Variants in SCLT1 observed in about 807,000 individuals in gnomAD.
The protein encoded by SCLT1 is sodium channel-associated protein 1.
In SCLT1, 78 loss-of-function variants were observed where a neutral mutation model predicts 112.8. The ratio of observed to expected loss-of-function variants is 0.69; its 90% confidence interval spans 0.58 to 0.83. SCLT1 has a LOEUF of 0.83. Ranked by LOEUF, SCLT1 falls within the 40% of genes least tolerant of loss-of-function variation. The probability of loss-of-function intolerance (pLI) is 0.00; values close to 1 mark genes in which losing one functional copy is unlikely to be tolerated. For synonymous variants in SCLT1, 257 were observed against 254.7 expected (o/e 1.01, Z -0.09); for missense variants, 747 against 770.4 (o/e 0.97, Z 0.36).
rs779428958 is a variant in SCLT1, at chr4:128,980,358, ATT to A, written c.687-9892_687-9891del. On this transcript the variant is annotated intron_variant, in intron 9 of 20. Coordinates refer to ENST00000281142, the MANE Select transcript of SCLT1 (RefSeq NM_144643.4). Reference sequence around the variant, plus strand: ...TTAAAAAATAAGATAGTATATAAAAATTATCAGCACACACATTTTTAAAGAAA... The same window carrying A: ...TTAAAAAATAAGATAGTATATAAAAAATCAGCACACACATTTTTAAAGAAA... Among the ~76,000 whole-genome samples, 529 of 152,328 alleles carry A rather than the reference ATT, an allele frequency of 3.5e-3. 6 individuals carry two copies. Among genetic ancestry groups the A allele is most frequent in the Middle Eastern group, 0.01 (3 of 294 alleles).
chr4:129,006,555 A>T (rs911509888), intron 5 of SCLT1, among the ~76,000 whole-genome samples: 5 of 138,218 alleles, frequency 3.6e-5, no homozygotes, highest in South Asian at 2.4e-4. Flanking sequence ...AAAAAAAAAA[A>T]TTTAAAGGTC....
intron 1 of SCLT1, among the ~76,000 whole-genome samples, chr4:129,086,458 C>T (rs1358043775): frequency 6.6e-6 from 1 of 152,040 alleles, no homozygotes; most frequent in Non-Finnish European, 1.5e-5. Flanking sequence ...TTTTGTGTAG[C>T]AGTTAAGAAA....
At chr4:128,952,898 G>A in intron 13 of SCLT1, 58 bp from the exon 14 acceptor site, 1 of 835,638 alleles carries the variant, frequency 1.2e-6, no homozygotes. Context: ...ATTAATATCT[G>A]ATAAAAACAC....
chr4:128,947,237 C>T (rs1738249792), intron 15 of SCLT1, among the ~76,000 whole-genome samples: 1 of 152,118 alleles, frequency 6.6e-6, no homozygotes, highest in Admixed American at 6.6e-5. Context: ...TACATTTCCC[C>T]AAAAGCCTTT....
chr4:128,921,854 T>C (rs11934548), intron 18 of SCLT1, among the ~76,000 whole-genome samples: 342 of 152,012 alleles, frequency 2.2e-3, no homozygotes, highest in African/African-American at 7.9e-3. Flanking sequence ...ACAGAGTAAA[T>C]AGACAATCTA....
At chr4:128,898,850 C>T (rs1307249201) in intron 18 of SCLT1, among the ~76,000 whole-genome samples, 3 of 152,020 alleles carry the variant, frequency 2.0e-5, no homozygotes, top group East Asian at 3.9e-4. Flanking sequence ...ATATCACCAC[C>T]AATCTCACAG....
At position 128,944,394 on chromosome 4, in the gene SCLT1, C is replaced by CA. The variant is rs1397711512; in HGVS notation, c.1440-1207dup. The stretch of plus-strand genomic sequence containing the variant: ...AGAATTCTTCCAAAAACAACAACAA[C>CA]AAAAAAAGAAAGCTAGACCAGATCA... On this transcript the variant is annotated intron_variant, in intron 16 of 20. Coordinates refer to ENST00000281142, the MANE Select transcript of SCLT1 (RefSeq NM_144643.4). Among the ~76,000 whole-genome samples, 366 of 151,994 alleles carry CA rather than the reference C, an allele frequency of 2.4e-3. 5 individuals are homozygous for CA. Among genetic ancestry groups the CA allele is most frequent in the Non-Finnish European group, 6.3e-4 (43 of 67,930 alleles).
At chr4:128,952,001 CTGTA>C (rs1432437109) in intron 14 of SCLT1, among the ~76,000 whole-genome samples, 1 of 152,068 alleles carries the variant, frequency 6.6e-6, no homozygotes, top group Non-Finnish European at 1.5e-5. Flanking sequence ...CTGCAAAACA[CTGTA>C]CTAGGCAAGC....
intron 18 of SCLT1, among the ~76,000 whole-genome samples, chr4:128,917,718 A>C (rs911641566): frequency 6.6e-6 from 1 of 152,206 alleles, no homozygotes; most frequent in Non-Finnish European, 1.5e-5. Context: ...AAATGTTCCA[A>C]GACAACTTCT....
chr4:128,887,515 TA>T (rs1732976675), intron 20 of SCLT1, among the ~76,000 whole-genome samples: 1 of 152,170 alleles, frequency 6.6e-6, no homozygotes, highest in African/African-American at 2.4e-5. Context: ...TTGATTGAAA[TA>T]ATACATTTAT....
In SCLT1 at chr4:129,077,168, C is replaced by T. The variant is rs541068931; in HGVS notation, c.102+5138G>A. On this transcript the variant is annotated intron_variant, in intron 2 of 20. Transcript: ENST00000281142. ...AAAACTTACTTTGATCCAAAGCAAG[C>T]CTAAATGATCATTATGTAATAACTG... Among the ~76,000 whole-genome samples the T allele has an allele frequency of 3.3e-5, 5 of 152,136 alleles. No individual in the cohort carries two copies. The South Asian group carries it at 1.0e-3, about 32-fold the overall frequency.
chr4:128,973,513 A>G (rs547283513), intron 9 of SCLT1, among the ~76,000 whole-genome samples: 14 of 151,272 alleles, frequency 9.3e-5, no homozygotes, highest in African/African-American at 3.2e-4. Context: ...AGGGAGAGAG[A>G]AAGAGAGGGA....
intron 8 of SCLT1, among the ~76,000 whole-genome samples, 160 bp from the exon 9 acceptor site, chr4:128,992,397 C>T (rs1032267906): frequency 1.3e-5 from 2 of 151,852 alleles, no homozygotes; most frequent in African/African-American, 4.8e-5. Context: ...CTTTCCTTGC[C>T]TTTACTACTT....
chr4:129,066,968 T>C (rs1435063007), intron 2 of SCLT1, among the ~76,000 whole-genome samples: 1 of 152,134 alleles, frequency 6.6e-6, no homozygotes, highest in East Asian at 1.9e-4. Flanking sequence ...CATTTATTTC[T>C]GCGATATTTA....
intron 5 of SCLT1, among the ~76,000 whole-genome samples, chr4:129,012,832 T>C (rs989254410): frequency 5.3e-5 from 8 of 151,954 alleles, no homozygotes; most frequent in African/African-American, 1.7e-4. Context: ...ACTAGGATCG[T>C]AACCCCTACT....
chr4:129,083,425 G>C (rs1752126746), intron 1 of SCLT1, among the ~76,000 whole-genome samples: 1 of 139,354 alleles, frequency 7.2e-6, no homozygotes, highest in African/African-American at 2.6e-5. Context: ...TCTTACAATA[G>C]CACTATTAAG....
In SCLT1 at chr4:128,891,115, G is replaced by C; in HGVS notation, c.1852C>G (p.Leu618Val). 6.2e-7 allele frequency: 1 copy of C among 1,612,596 alleles called. No homozygotes were observed. Among genetic ancestry groups the C allele is most frequent in the Non-Finnish European group, 8.5e-7 (1 of 1,179,162 alleles). ...TGAGAAAGCAGCTCTTGGGTATGAA[G>C]TTTCTGTCGACTCAGCTCACTCCTA... ...NLKSELSRQKLHTQELLSQLE... is the reference protein window; with the variant it reads ...NLKSELSRQKVHTQELLSQLE... The change falls in exon 19 of 21, where the codon CTT becomes GTT. Residue 618 changes from leucine to valine, a missense_variant. This residue lies in a region of SCLT1 where 723 missense variants were observed against 721.3 expected (regional missense o/e 1.00). Coordinates refer to ENST00000281142, the MANE Select transcript of SCLT1 (RefSeq NM_144643.4).
intron 4 of SCLT1, chr4:129,040,342 A>C: frequency 3.3e-6 from 2 of 599,146 alleles, no homozygotes; most frequent in Non-Finnish European, 6.2e-6. Flanking sequence ...CCATGGCAAG[A>C]GGTTTGGATT....
chr4:129,048,811 T>A (rs1420308843), intron 2 of SCLT1, among the ~76,000 whole-genome samples: 1 of 152,044 alleles, frequency 6.6e-6, no homozygotes, highest in East Asian at 1.9e-4. Context: ...CATCAAAAAG[T>A]GGGCAAAGGA....
Sources: allele counts gnomAD v4.1 joint callset (sites outside exome capture counted in the v4.1 genomes callset), GRCh38; gene constraint gnomAD v4.1.1; regional missense constraint gnomAD v4.1.1; transcripts MANE v1.5; gene names NCBI Gene and HGNC (gene_info 2026-07-23, HGNC 2026-07-21).